Variants in GPR63 observed in about 807,000 individuals in gnomAD.
GPR63 encodes the protein probable G protein-coupled receptor 63.
Under a neutral mutation model 23.1 loss-of-function variants are expected in GPR63, and 12 were observed. The ratio of observed to expected loss-of-function variants is 0.52; its 90% CI spans 0.33 to 0.84. The LOEUF (loss-of-function observed/expected upper bound fraction) is 0.84. Among genes scored for constraint, GPR63 ranks in the 40% least tolerant of loss-of-function variants. The probability of loss-of-function intolerance (pLI) is 0.02; values close to 1 mark genes in which losing one functional copy is unlikely to be tolerated. For synonymous variants in GPR63, 172 were observed against 191.1 expected (o/e 0.90, Z 0.82); for missense variants, 472 against 515.6 (o/e 0.92, Z 0.82).
chr6:96,804,428 G>A (rs994604147), intron 1 of GPR63, among the ~76,000 whole-genome samples: 2 of 152,082 alleles, frequency 1.3e-5, no homozygotes, highest in Non-Finnish European at 2.9e-5. Flanking sequence ...TAATCCCATT[G>A]TTCCCTACGA....
At position 96,795,819 on chromosome 6, in the gene GPR63, CA is replaced by C. The variant is rs1773566262; in HGVS notation, c.*2652del. On this transcript the variant is annotated 3_prime_UTR_variant, in exon 2 of 2. Transcript: ENST00000229955. ...AAAGTCTAATAAAAAATGTCCTTATCAATATCTGCTTGAAATCTAGTTTATA... is the reference window on the plus strand; with the variant it reads ...AAAGTCTAATAAAAAATGTCCTTATCATATCTGCTTGAAATCTAGTTTATA... 6.6e-6 allele frequency: 1 copy of C among 152,168 alleles called. No homozygotes were observed. Among genetic ancestry groups the C allele is most frequent in the South Asian group, 2.1e-4 (1 of 4,828 alleles). 9.4% of individuals were successfully genotyped at this position (152,168 alleles called of 1,614,324 possible).
chr6:96,824,846 G>A (rs1774400178), intron 1 of GPR63, among the ~76,000 whole-genome samples: 1 of 152,004 alleles, frequency 6.6e-6, no homozygotes, highest in Admixed American at 6.6e-5. Context: ...CTAGTTCTCT[G>A]CTCAAAGATT....
chr6:96,822,970 A>G (rs1774349460), intron 1 of GPR63, among the ~76,000 whole-genome samples: 1 of 152,214 alleles, frequency 6.6e-6, no homozygotes, highest in South Asian at 2.1e-4. Context: ...AATGGAGCTG[A>G]AAAATTCCTA....
At chr6:96,822,496 T>C (rs1170749541) in intron 1 of GPR63, among the ~76,000 whole-genome samples, 3 of 152,248 alleles carry the variant, frequency 2.0e-5, no homozygotes, top group Non-Finnish European at 4.4e-5. Context: ...AGCGTCATCA[T>C]GTGCCAACTG....
At position 96,797,619 on chromosome 6, in the gene GPR63, T is replaced by C. The variant is rs1773625242; in HGVS notation, c.*853A>G. ...TGCCTGACACATAGGTGTCCATAAA[T>C]ATCAACCCCTTCTCCCTATACTCCA... On this transcript the variant is annotated 3_prime_UTR_variant, in exon 2 of 2. Coordinates refer to ENST00000229955, the MANE Select transcript of GPR63 (RefSeq NM_030784.4). The C allele has an allele frequency of 6.6e-6, 1 of 152,146 alleles. No individual in the cohort carries two copies. The highest frequency in any genetic ancestry group is 1.9e-4 in the East Asian group (1 of 5,188). The allele number at this position is 152,146 out of a possible 1,614,324, so 9.4% of individuals were successfully genotyped here. A position where few individuals can be genotyped will look rare whatever the true frequency, so the allele number is the denominator to read the frequency against.
intron 1 of GPR63, among the ~76,000 whole-genome samples, chr6:96,829,345 T>C (rs1582278355): frequency 6.6e-6 from 1 of 152,074 alleles, no homozygotes; most frequent in African/African-American, 2.4e-5. Flanking sequence ...CAACAAAATA[T>C]GCTTAGAAAT....
chr6:96,802,691 C>T (rs979328704), intron 1 of GPR63, among the ~76,000 whole-genome samples: 4 of 148,432 alleles, frequency 2.7e-5, no homozygotes, highest in Non-Finnish European at 4.4e-5. Flanking sequence ...AAGCACCTGC[C>T]ACCATGCCCA....
At chr6:96,808,151 G>T (rs778797780) in intron 1 of GPR63, among the ~76,000 whole-genome samples, 19 of 152,134 alleles carry the variant, frequency 1.2e-4, no homozygotes, top group Non-Finnish European at 2.2e-4. Flanking sequence ...ATTTAGAAAT[G>T]ATGTGGAAAT....
At chr6:96,802,602 C>T (rs1344537428) in intron 1 of GPR63, among the ~76,000 whole-genome samples, 1 of 147,488 alleles carries the variant, frequency 6.8e-6, no homozygotes, top group Non-Finnish European at 1.5e-5. Flanking sequence ...TGCAGTGGCA[C>T]AGTCTTGGCT....
chr6:96,800,430 T>C (rs1171615380), intron 1 of GPR63, among the ~76,000 whole-genome samples: 14 of 152,216 alleles, frequency 9.2e-5, no homozygotes, highest in Admixed American at 7.9e-4. Flanking sequence ...AGGCACTAAG[T>C]AATTGTCAAT....
chr6:96,812,983 T>A (rs1017296020), intron 1 of GPR63, among the ~76,000 whole-genome samples: 5 of 152,084 alleles, frequency 3.3e-5, no homozygotes, highest in Non-Finnish European at 5.9e-5. Context: ...TTAAACAACC[T>A]CTCTTCATCC....
chr6:96,807,061 C>T (rs940844050), intron 1 of GPR63, among the ~76,000 whole-genome samples: 24 of 152,182 alleles, frequency 1.6e-4, no homozygotes, highest in African/African-American at 5.8e-4. Flanking sequence ...AAATTCATGC[C>T]AGAGATGAAA....
Position 96,799,068 on chromosome 6 carries a change from T to A in GPR63, c.664A>T (p.Ile222Leu), listed in dbSNP as rs1773679711. 3 of 1,614,050 alleles carry A rather than the reference T, an allele frequency of 1.9e-6. No individual in the cohort carries two copies. Among genetic ancestry groups the A allele is most frequent in the Non-Finnish European group, 2.5e-6 (3 of 1,180,038 alleles). Residue 222 changes from isoleucine to leucine, a missense_variant, in exon 2 of 2, where the codon ATA becomes TTA. Coordinates refer to ENST00000229955, the MANE Select transcript of GPR63 (RefSeq NM_030784.4). ...PLAVGNPDLQ[I>L]PSRAPQCVFG... ...ACACACTGGGGAGCTCGGGAAGGTA[T>A]CTGCAGGTCGGGGTTTCCTACGGCT...
In GPR63 at chr6:96,799,118, G is replaced by A. The variant is rs760984519; in HGVS notation, c.614C>T (p.Thr205Ile). The A allele has an allele frequency of 1.2e-6, 2 of 1,614,184 alleles. No individual in the cohort carries two copies. Among genetic ancestry groups the A allele is most frequent in the Middle Eastern group, 1.6e-4 (1 of 6,062 alleles). ...TAAAGGAAAAGCTACACAAAAGGAA[G>A]TTGCCCAAGAAACTGCAATCAGAAC... ...AKVLIAVSWA[T>I]SFCVAFPLAV... Residue 205 changes from threonine (T) to isoleucine (I), a missense_variant, in exon 2 of 2, where the codon ACT becomes ATT. By Grantham distance (89) the Thr-to-Ile change is moderately conservative. Coordinates refer to ENST00000229955, the MANE Select transcript of GPR63 (RefSeq NM_030784.4).
In GPR63 at chr6:96,808,903, C is replaced by A. The variant is rs184833897; in HGVS notation, c.-150-9022G>T. Among the ~76,000 whole-genome samples the A allele has an allele frequency of 5.9e-5, 9 of 152,084 alleles. No individual in the cohort carries two copies. The East Asian group carries it at 1.5e-3, about 26-fold the overall frequency. On this transcript the variant is annotated intron_variant, in intron 1 of 1. Transcript: ENST00000229955. ...ACTCATCATTTAGCATTAGGTATAT[C>A]TCCTAAAGCTATCCCTCCCCCGTCC...
intron 1 of GPR63, among the ~76,000 whole-genome samples, 186 bp downstream of exon 1, chr6:96,837,082 C>T (rs1030872652): frequency 6.6e-6 from 1 of 152,172 alleles, no homozygotes; most frequent in Non-Finnish European, 1.5e-5. Flanking sequence ...AGTCCAGCTG[C>T]AAAAACCCTC....
chr6:96,835,411 T>C (rs1354644212), intron 1 of GPR63, among the ~76,000 whole-genome samples: 1 of 152,110 alleles, frequency 6.6e-6, no homozygotes, highest in African/African-American at 2.4e-5. Context: ...GATATATACA[T>C]ATACAAATCC....
At chr6:96,815,581 C>G (rs934533404) in intron 1 of GPR63, among the ~76,000 whole-genome samples, 2 of 152,104 alleles carry the variant, frequency 1.3e-5, no homozygotes, top group African/African-American at 2.4e-5. Flanking sequence ...TGTGTTCTTA[C>G]AAGAACACAC....
intron 1 of GPR63, among the ~76,000 whole-genome samples, chr6:96,826,154 A>C (rs894617244): frequency 3.3e-5 from 5 of 152,110 alleles, no homozygotes; most frequent in African/African-American, 1.2e-4. Flanking sequence ...TGAGAATATA[A>C]ATAAGGAATC....
Sources: allele counts gnomAD v4.1 joint callset (sites outside exome capture counted in the v4.1 genomes callset), GRCh38; gene constraint gnomAD v4.1.1; transcripts MANE v1.5; gene names NCBI Gene and HGNC (gene_info 2026-07-23, HGNC 2026-07-21).